Variants in CIITA observed in about 807,000 individuals in gnomAD.
CIITA encodes the protein class II major histocompatibility complex transactivator, also known as MHC class II transactivator.
Under a neutral mutation model 115.1 loss-of-function variants are expected in CIITA, and 72 were observed. The observed-to-expected ratio is 0.63, with a 90% CI of 0.52 to 0.76. The LOEUF is 0.76. Among genes scored for constraint, CIITA ranks in the 30% least tolerant of loss-of-function variants. The pLI is 0.00. For synonymous variants in CIITA, 763 were observed against 635.6 expected (o/e 1.20, Z -3.02); for missense variants, 1,617 against 1,463.8 (o/e 1.10, Z -1.71).
Position 10,895,611 on chromosome 16 carries a change from C to A in CIITA, c.200-58C>A, listed in dbSNP as rs2038052324. On this transcript the variant is annotated intron_variant, in intron 2 of 19. Transcript: ENST00000324288. ...AGCCCTGCCCCGCCTCTCCCTCGTT[C>A]CCCACCAGCCCTCTTTCCAGAAATT... 3.1e-6 allele frequency: 5 copies of A among 1,604,128 alleles called. No homozygotes were observed. The East Asian group carries it at 8.9e-5, about 29-fold the overall frequency.
Position 10,929,234 on chromosome 16 carries a change from G to A in CIITA, c.*5379G>A, listed in dbSNP as rs1195355919. The A allele has an allele frequency of 1.0e-6, 1 of 985,928 alleles. No homozygotes were observed. Among genetic ancestry groups the A allele is most frequent in the Non-Finnish European group, 1.2e-6 (1 of 829,962 alleles). 61.1% of individuals were successfully genotyped at this position (985,928 alleles called of 1,614,324 possible). ...CAACTCACATCAAACGGAGCTGGGA[G>A]TCGCTTTTGCGTGTGTCCGCAGTTT... is the stretch of plus-strand genomic sequence containing the variant. On this transcript the variant is annotated 3_prime_UTR_variant, in exon 20 of 20. Transcript: ENST00000324288. This position sits in a 1 kb window ranked among gnomAD's most constrained non-coding sequence, Gnocchi z 4.3.
rs1441751527 is a variant in CIITA at position 10,932,412 on chromosome 16, A to T, written c.*8557A>T. On this transcript the variant is annotated 3_prime_UTR_variant, in exon 20 of 20. Transcript: ENST00000324288. ...ACCATCATCCCTGCATTTCACATGG[A>T]GCTCAGAGAGGTTAAGCAAGCCGTG... is the stretch of plus-strand genomic sequence containing the variant. 6.6e-6 allele frequency: 1 copy of T among 152,180 alleles called. No individual in the cohort carries two copies. The highest frequency in any genetic ancestry group is 1.5e-5 in the Non-Finnish European group (1 of 68,050). 9.4% of individuals were successfully genotyped at this position (152,180 alleles called of 1,614,324 possible).
intron 1 of CIITA, among the ~76,000 whole-genome samples, chr16:10,880,448 C>G (rs12925158): frequency 6.6e-6 from 1 of 152,160 alleles, no homozygotes; most frequent in Admixed American, 6.5e-5. Context: ...GTTACAAAAC[C>G]TCTATCAGAA....
intron 14 of CIITA, 40 bp from the exon 15 acceptor site, chr16:10,916,327 A>T: frequency 6.3e-7 from 1 of 1,595,442 alleles, no homozygotes; most frequent in South Asian, 1.1e-5. Context: ...AGATGGCCCC[A>T]GGACGCTAGC....
rs943210282 is a variant in CIITA, at chr16:10,942,722, A to G, written n.1848A>G. On this transcript the variant is annotated non_coding_transcript_exon_variant, in exon 2 of 2. Coordinates refer to the CIITA transcript ENST00000573379. This position sits in a 1 kb window ranked among gnomAD's most constrained non-coding sequence, Gnocchi z 5.0. Reference sequence around the variant, plus strand: ...CTGAACACAGTTCAAACCTAGACATAATGCTAAGGCCGCAAAAGCCGAAGG... The same window carrying G: ...CTGAACACAGTTCAAACCTAGACATGATGCTAAGGCCGCAAAAGCCGAAGG... 7.2e-5 allele frequency: 11 copies of G among 152,238 alleles called. No individual in the cohort carries two copies. Among genetic ancestry groups the G allele is most frequent in the African/African-American group, 2.7e-4 (11 of 41,454 alleles). 9.4% of individuals were successfully genotyped at this position (152,238 alleles called of 1,614,324 possible).
At position 10,932,691 on chromosome 16, in the gene CIITA, ATTC is replaced by A. The variant is rs2040849936; in HGVS notation, c.*8839_*8841del. 8.3e-6 allele frequency: 1 copy of A among 120,954 alleles called. No individual in the cohort carries two copies. The highest frequency in any genetic ancestry group is 3.1e-5 in the African/African-American group (1 of 32,452). 7.5% of individuals were successfully genotyped at this position (120,954 alleles called of 1,614,324 possible). A position where few individuals can be genotyped will look rare whatever the true frequency, so the allele number is the denominator to read the frequency against. ...CAAAAAAACACAAACCAAAAAAAAA[ATTC>A]TTTTTTTTTTTTTTTTTTTGAGACA... On this transcript the variant is annotated 3_prime_UTR_variant, in exon 20 of 20. Transcript: ENST00000324288.
In CIITA at chr16:10,903,790, CCAA is replaced by C; in HGVS notation, c.835_837del (p.Thr279del). 6.2e-7 allele frequency: 1 copy of C among 1,614,190 alleles called. No individual in the cohort carries two copies. The highest frequency in any genetic ancestry group is 8.5e-7 in the Non-Finnish European group (1 of 1,180,034). The stretch of plus-strand genomic sequence containing the variant: ...CAGTGGATTCACTGTCCACGGCCTC[CCAA>C]CATCTCCAGACCGGCCAGGCTCCAC... On this transcript the variant is annotated inframe_deletion, in exon 9 of 20. Coordinates refer to ENST00000324288, the MANE Select transcript of CIITA (RefSeq NM_000246.4).
chr16:10,910,128 A>C, intron 12 of CIITA, 60 bp from the exon 13 acceptor site: 6 of 1,478,064 alleles, frequency 4.1e-6, no homozygotes, highest in East Asian at 2.3e-5. Flanking sequence ...CATGGGACCC[A>C]TGGGTAAGGG....
rs549410233 is a variant in CIITA at position 10,927,728 on chromosome 16, G to C, written c.*3873G>C. 1 of 152,172 alleles carries C rather than the reference G, an allele frequency of 6.6e-6. No homozygotes were observed. The highest frequency in any genetic ancestry group is 1.5e-5 in the Non-Finnish European group (1 of 68,038). The allele number at this position is 152,172 out of a possible 1,614,324, so 9.4% of individuals were successfully genotyped here. A position where few individuals can be genotyped will look rare whatever the true frequency, so the allele number is the denominator to read the frequency against. ...TTTTCGTAGTTAACGCACAGTCATC[G>C]TAAGATGTGGATAAATTACTGTCTC... On this transcript the variant is annotated 3_prime_UTR_variant, in exon 20 of 20. Transcript: ENST00000324288.
intron 14 of CIITA, 59 bp from the exon 15 acceptor site, chr16:10,916,308 G>A: frequency 6.5e-7 from 1 of 1,541,502 alleles, no homozygotes; most frequent in Non-Finnish European, 8.9e-7. Context: ...CACTGGGATG[G>A]GAAGGGTCAG....
At chr16:10,899,035 T>C (rs1168461356) in intron 5 of CIITA, 33 bp downstream of exon 5, 2 of 1,607,084 alleles carry the variant, frequency 1.2e-6, no homozygotes, top group Non-Finnish European at 1.7e-6. Context: ...CAACCTAGCC[T>C]TGCTTGAGAC....
Position 10,898,921 on chromosome 16 carries a change from G to A in CIITA, c.359-4G>A. The A allele has an allele frequency of 6.2e-7, 1 of 1,613,898 alleles. No homozygotes were observed. The highest frequency in any genetic ancestry group is 8.5e-7 in the Non-Finnish European group (1 of 1,179,964). ...GAGTTGGTCTCTGGTTTTTCTCAAA[G>A]TAGAGCACATAGGACCAGATGAAGT... is the stretch of plus-strand genomic sequence containing the variant. On this transcript the variant is annotated splice_region_variant and splice_polypyrimidine_tract_variant and intron_variant, in intron 4 of 19. Transcript: ENST00000324288.
chr16:10,891,902 T>C (rs2037624985), intron 1 of CIITA, among the ~76,000 whole-genome samples: 1 of 152,180 alleles, frequency 6.6e-6, no homozygotes, highest in Non-Finnish European at 1.5e-5. Flanking sequence ...CAGCCCCCGC[T>C]CAACCGTCAT....
At chr16:10,874,204 G>A (rs959562054), upstream of CIITA, among the ~76,000 whole-genome samples, 5 of 152,018 alleles carry the variant, frequency 3.3e-5, no homozygotes, top group African/African-American at 7.2e-5. Flanking sequence ...GGCTGGTTTC[G>A]AATTCCTGAC....
At position 10,930,470 on chromosome 16, in the gene CIITA, G is replaced by C. The variant is rs1031848976; in HGVS notation, c.*6615G>C. 2.0e-5 allele frequency: 3 copies of C among 152,086 alleles called. No individual in the cohort carries two copies. Among genetic ancestry groups the C allele is most frequent in the African/African-American group, 7.2e-5 (3 of 41,402 alleles). 9.4% of individuals were successfully genotyped at this position (152,086 alleles called of 1,614,324 possible). On this transcript the variant is annotated 3_prime_UTR_variant, in exon 20 of 20. Coordinates refer to ENST00000324288, the MANE Select transcript of CIITA (RefSeq NM_000246.4). ...GCCCTCCTACCCTATTTCCAAGGTC[G>C]ACCTAAGGGGGCGGAACTGTTTCCA...
Position 10,901,865 on chromosome 16 carries a change from TG to T in CIITA, c.482-168del. 2.1e-6 allele frequency: 2 copies of T among 946,552 alleles called. No individual in the cohort carries two copies. The highest frequency in any genetic ancestry group is 3.3e-6 in the Non-Finnish European group (2 of 604,462). The allele number at this position is 946,552 out of a possible 1,614,324, so 58.6% of individuals were successfully genotyped here. Reference sequence around the variant, plus strand: ...CAGAGCCAAGTCACAAGGAGAGGACTGGGGGACTGCCTGGCACAGAGCAGTT... The same window carrying T: ...CAGAGCCAAGTCACAAGGAGAGGACTGGGGACTGCCTGGCACAGAGCAGTT... On this transcript the variant is annotated intron_variant, in intron 6 of 19. Transcript: ENST00000324288. The surrounding 1 kb of genome is among the most constrained non-coding windows in gnomAD (Gnocchi z 6.8).
Position 10,907,200 on chromosome 16 carries a change from T to G in CIITA, c.1708T>G (p.Ser570Ala), listed in dbSNP as rs759705626. The part of the protein sequence containing the change: ...ADALFELSGF[S>A]MEQAQAYVMR... ...CGCCCTATTTGAGCTGTCCGGCTTCTCCATGGAGCAGGCCCAGGCATACGT... is the reference window on the plus strand; with the variant it reads ...CGCCCTATTTGAGCTGTCCGGCTTCGCCATGGAGCAGGCCCAGGCATACGT... The change falls in exon 11 of 20, where the codon TCC becomes GCC. Residue 570 changes from serine to alanine, a missense_variant. Physicochemically the swap from Ser to Ala is moderately conservative, Grantham distance 99. Transcript: ENST00000324288. The surrounding 1 kb of genome is among the most constrained non-coding windows in gnomAD (Gnocchi z 5.0). The G allele has an allele frequency of 5.6e-6, 9 of 1,613,040 alleles. No individual in the cohort carries two copies. Among genetic ancestry groups the G allele is most frequent in the African/African-American group, 1.3e-5 (1 of 74,724 alleles).
intron 1 of CIITA, among the ~76,000 whole-genome samples, chr16:10,877,679 C>T (rs1317040675): frequency 1.3e-5 from 2 of 152,194 alleles, no homozygotes; most frequent in African/African-American, 4.8e-5. Context: ...TGGCCTGGCT[C>T]GGCCCACAGC....
At chr16:10,894,064 C>T (rs894841488) in intron 1 of CIITA, among the ~76,000 whole-genome samples, 3 of 152,102 alleles carry the variant, frequency 2.0e-5, no homozygotes, top group Non-Finnish European at 4.4e-5. Context: ...GTTGCCCAGG[C>T]TGGTCTTGAA....
Sources: gnomAD v4.1 joint callset for allele counts (sites outside exome capture counted in the v4.1 genomes callset) on GRCh38, gnomAD v4.1.1 for gene constraint, Gnocchi (gnomAD v3.1) non-coding constraint, MANE v1.5 for transcripts, NCBI Gene and HGNC (gene_info 2026-07-23, HGNC 2026-07-21) for gene names.